The following KCNH4 variants were observed in gnomAD, a reference collection of about 807,000 sequenced individuals.
The protein encoded by KCNH4 is voltage-gated delayed rectifier potassium channel KCNH4.
A neutral mutation model predicts 90.7 loss-of-function variants in KCNH4; 33 were observed. The ratio of observed to expected loss-of-function variants is 0.36; its 90% CI spans 0.28 to 0.49. The LOEUF (loss-of-function observed/expected upper bound fraction) is 0.49. Ranked by LOEUF, KCNH4 falls within the 20% of genes least tolerant of loss-of-function variation. The probability of loss-of-function intolerance (pLI) is 0.98; values close to 1 mark genes in which losing one functional copy is unlikely to be tolerated. For missense variants in KCNH4, 1,044 were observed against 1,387.1 expected, an observed-to-expected ratio of 0.75 and a Z score of 3.93; for synonymous variants, 551 against 581.7, an observed-to-expected ratio of 0.95 and a Z score of 0.76.
intron 16 of KCNH4, among the ~76,000 whole-genome samples, chr17:42,158,513 AGAGT>A (rs1421187629): frequency 6.8e-6 from 1 of 146,494 alleles, no homozygotes; most frequent in Non-Finnish European, 1.5e-5. Context: ...CCTGGGCGAC[AGAGT>A]GAGACTCCGT....
In KCNH4 at chr17:42,171,877, A is replaced by G. The variant is rs2079829384; in HGVS notation, c.1106T>C (p.Phe369Ser). The G allele has an allele frequency of 6.2e-7, 1 of 1,614,146 alleles. No homozygotes were observed. Among genetic ancestry groups the G allele is most frequent in the African/African-American group, 1.3e-5 (1 of 75,026 alleles). Residue 369 changes from phenylalanine to serine, a missense_variant, in exon 7 of 17, where the codon TTT becomes TCT. Coordinates refer to ENST00000264661, the MANE Select transcript of KCNH4 (RefSeq NM_012285.3). ...GGCCATCCAGTGGGCAAGGAGCGCA[A>G]AGACCGACATGAGCAGCGTGAGCAC... ...AVVLTLLMSV[F>S]ALLAHWMACI...
At chr17:42,172,203 T>C (rs562201563) in intron 6 of KCNH4, among the ~76,000 whole-genome samples, 2 of 150,284 alleles carry the variant, frequency 1.3e-5, no homozygotes, top group East Asian at 3.9e-4. Flanking sequence ...ACTTTGTAAT[T>C]ACTTTTTTTT....
intron 16 of KCNH4, among the ~76,000 whole-genome samples, chr17:42,159,310 A>C (rs1371830708): frequency 2.6e-5 from 4 of 152,192 alleles, no homozygotes; most frequent in African/African-American, 9.7e-5. Flanking sequence ...TACAGGCGTG[A>C]GCCACCGCAC....
Position 42,169,655 on chromosome 17 carries a change from A to G in KCNH4, c.1412T>C (p.Phe471Ser). Reference sequence around the variant, plus strand: ...CTGGATGATGGCTGTCACGTTCCCGAACACCACAGCGTGCATCAGGGCTGC... The same window carrying G: ...CTGGATGATGGCTGTCACGTTCCCGGACACCACAGCGTGCATCAGGGCTGC... The part of the protein sequence containing the change: ...LIGALMHAVV[F>S]GNVTAIIQRM... The change falls in exon 9 of 17, where the codon TTC becomes TCC. Residue 471 changes from phenylalanine to serine, a missense_variant. Physicochemically the swap from Phe to Ser is radical, Grantham distance 155. Transcript: ENST00000264661. 6.2e-7 allele frequency: 1 copy of G among 1,613,854 alleles called. No homozygotes were observed. The highest frequency in any genetic ancestry group is 8.5e-7 in the Non-Finnish European group (1 of 1,179,962).
At chr17:42,174,040 C>T (rs2079846047) in intron 6 of KCNH4, among the ~76,000 whole-genome samples, 1 of 152,134 alleles carries the variant, frequency 6.6e-6, no homozygotes, top group South Asian at 2.1e-4. Context: ...TCACTGCAAC[C>T]TCCACCTCTG....
intron 2 of KCNH4, 148 bp downstream of exon 2, chr17:42,178,645 C>T: frequency 8.7e-7 from 1 of 1,148,870 alleles, no homozygotes; most frequent in Non-Finnish European, 1.2e-6. Context: ...AATGGGGGAA[C>T]CCAGGACCAG....
chr17:42,177,792 C>T (rs922447130), intron 4 of KCNH4, among the ~76,000 whole-genome samples: 3 of 152,190 alleles, frequency 2.0e-5, no homozygotes, highest in Non-Finnish European at 2.9e-5. Flanking sequence ...CTTGCAATTT[C>T]ACCACCCATG....
chr17:42,175,924 T>A (rs2079857298), intron 5 of KCNH4, 130 bp downstream of exon 5: 1 of 1,264,804 alleles, frequency 7.9e-7, no homozygotes, highest in African/African-American at 1.5e-5. Context: ...CATGGGCCAT[T>A]GGGACTTAAA....
At chr17:42,169,750 G>C in intron 8 of KCNH4, 74 bp from the exon 9 acceptor site, 1 of 1,489,842 alleles carries the variant, frequency 6.7e-7, no homozygotes, top group East Asian at 2.3e-5. Flanking sequence ...AACCCACCCT[G>C]TCCTGGACCA....
intron 4 of KCNH4, 144 bp downstream of exon 4, chr17:42,177,956 G>C: frequency 1.1e-6 from 1 of 909,374 alleles, no homozygotes; most frequent in Non-Finnish European, 1.7e-6. Flanking sequence ...ATACCATATA[G>C]AGTAGTATAT....
intron 6 of KCNH4, 24 bp downstream of exon 6, chr17:42,175,555 G>T (rs1404278158): frequency 6.2e-7 from 1 of 1,613,890 alleles, no homozygotes; most frequent in African/African-American, 1.3e-5. Context: ...GGTTGGACTG[G>T]ATGGCGGGAT....
Position 42,178,926 on chromosome 17 carries a change from C to T in KCNH4, c.177G>A (p.Glu59=), listed in dbSNP as rs755083253. ...FCELTGYGRT[E]VMQKTCSCRF... Reference sequence around the variant, plus strand: ...GGCAGCTGCAGGTCTTCTGCATGACCTCGGTGCGACCGTAGCCTGTGAGCT... The same window carrying T: ...GGCAGCTGCAGGTCTTCTGCATGACTTCGGTGCGACCGTAGCCTGTGAGCT... Residue 59 remains glutamate (E), a synonymous_variant, in exon 2 of 17, where the codon GAG becomes GAA. Transcript: ENST00000264661. 15 of 1,614,124 alleles carry T rather than the reference C, an allele frequency of 9.3e-6. No homozygotes were observed. In the Admixed American group the frequency reaches 2.2e-4, roughly 23 times the overall value.
chr17:42,159,900 A>G lies in KCNH4; in HGVS notation c.*140T>C, dbSNP rs963132437. ...ATAGCGTCAGAGGTAACCACGCTTC[A>G]TTAAAAAGTCCAGAAATCCAGAGCC... On this transcript the variant is annotated 3_prime_UTR_variant, in exon 16 of 17. Transcript: ENST00000264661. The G allele has an allele frequency of 4.7e-5, 27 of 575,622 alleles. No individual in the cohort carries two copies. Among genetic ancestry groups the G allele is most frequent in the African/African-American group, 4.6e-4 (24 of 52,724 alleles). The allele number at this position is 575,622 out of a possible 1,614,324, so 35.7% of individuals were successfully genotyped here. A position where few individuals can be genotyped will look rare whatever the true frequency, so the allele number is the denominator to read the frequency against.
At chr17:42,157,868 C>G (rs1302334366) in intron 16 of KCNH4, among the ~76,000 whole-genome samples, 1 of 152,156 alleles carries the variant, frequency 6.6e-6, no homozygotes, top group Non-Finnish European at 1.5e-5. Context: ...CCTTCCACCT[C>G]AGCTTCTGGA....
At chr17:42,159,516 A>G (rs1348785709) in intron 16 of KCNH4, among the ~76,000 whole-genome samples, 1 of 152,074 alleles carries the variant, frequency 6.6e-6, no homozygotes, top group Non-Finnish European at 1.5e-5. Context: ...CAACATCTCA[A>G]ACCTACCCCT....
Position 42,175,609 on chromosome 17 carries a change from A to G in KCNH4, c.957T>C (p.Phe319=), listed in dbSNP as rs900115354. Residue 319 remains phenylalanine (F), a synonymous_variant, in exon 6 of 17, where the codon TTT becomes TTC. Coordinates refer to ENST00000264661, the MANE Select transcript of KCNH4 (RefSeq NM_012285.3). ...FFIDLIAALP[F]DLLYIFNITV... is the part of the protein sequence containing the mutation. ...TGATGTTGAAGATGTAAAGCAGGTC[A>G]AAGGGCAGAGCAGCAATAAGGTCGA... is the stretch of plus-strand genomic sequence containing the variant. 6.2e-7 allele frequency: 1 copy of G among 1,614,214 alleles called. No individual in the cohort carries two copies. Among genetic ancestry groups the G allele is most frequent in the Non-Finnish European group, 8.5e-7 (1 of 1,180,036 alleles).
In KCNH4 at chr17:42,163,366, G is replaced by A. The variant is rs1327225188; in HGVS notation, c.2478-32C>T. ...ACAGGGCAGTGCTCATCAGCACCAT[G>A]GGGTGAGGGTAAGGGCCAGAGCAGA... On this transcript the variant is annotated intron_variant, in intron 13 of 16. Coordinates refer to ENST00000264661, the MANE Select transcript of KCNH4 (RefSeq NM_012285.3). This position sits in a 1 kb window ranked among gnomAD's most constrained non-coding sequence, Gnocchi z 5.4. The A allele has an allele frequency of 6.6e-7, 1 of 1,521,518 alleles. No homozygotes were observed. Among genetic ancestry groups the A allele is most frequent in the Non-Finnish European group, 9.1e-7 (1 of 1,097,428 alleles). 94.3% of individuals were successfully genotyped at this position (1,521,518 alleles called of 1,614,324 possible).
At chr17:42,158,836 A>T (rs1226894846) in intron 16 of KCNH4, among the ~76,000 whole-genome samples, 4 of 146,734 alleles carry the variant, frequency 2.7e-5, no homozygotes, top group Admixed American at 1.4e-4. Context: ...CTCCGTCTAT[A>T]AAAAAATATA....
intron 6 of KCNH4, among the ~76,000 whole-genome samples, chr17:42,173,862 G>A (rs1436857048): frequency 6.6e-6 from 1 of 151,642 alleles, no homozygotes; most frequent in Non-Finnish European, 1.5e-5. Flanking sequence ...CACCACGCCT[G>A]GCTAATTTTT....
Sources: allele counts gnomAD v4.1 joint callset (sites outside exome capture counted in the v4.1 genomes callset), GRCh38; gene constraint gnomAD v4.1.1; non-coding constraint Gnocchi (gnomAD v3.1); transcripts MANE v1.5; gene names NCBI Gene and HGNC (gene_info 2026-07-23, HGNC 2026-07-21).